Variants in LHFPL3 observed in about 807,000 individuals in gnomAD.
The protein encoded by LHFPL3 is LHFPL tetraspan subfamily member 3 protein.
In LHFPL3, 5 loss-of-function variants were observed where a neutral mutation model predicts 19.3. That is an observed-to-expected ratio of 0.26 (90% CI 0.14 to 0.54). The LOEUF (loss-of-function observed/expected upper bound fraction) is 0.54. Ranked by LOEUF, LHFPL3 falls within the 20% of genes least tolerant of loss-of-function variation. LHFPL3 has a pLI of 0.94. For missense variants in LHFPL3, 249 were observed against 307.4 expected (o/e 0.81, Z 1.42); for synonymous variants, 133 against 126.2 (o/e 1.05, Z -0.36).
At chr7:104,820,980 C>T (rs141505987) in intron 2 of LHFPL3, among the ~76,000 whole-genome samples, 128 of 152,196 alleles carry the variant, frequency 8.4e-4, no homozygotes, top group Middle Eastern at 3.4e-3. Context: ...GCTTGGACTG[C>T]GTTTCCCCTC....
chr7:104,410,674 G>C (rs762450420), intron 1 of LHFPL3, among the ~76,000 whole-genome samples: 19 of 151,708 alleles, frequency 1.3e-4, no homozygotes, highest in Non-Finnish European at 2.1e-4. Flanking sequence ...TCATGCAAAA[G>C]ACATAAATAG....
intron 1 of LHFPL3, among the ~76,000 whole-genome samples, chr7:104,691,731 T>C (rs1309370039): frequency 6.6e-6 from 1 of 152,212 alleles, no homozygotes; most frequent in African/African-American, 2.4e-5. Context: ...ACTGAAGATA[T>C]TTCTATCCCA....
chr7:104,556,171 G>A (rs1387134695), intron 1 of LHFPL3, among the ~76,000 whole-genome samples: 1 of 152,130 alleles, frequency 6.6e-6, no homozygotes, highest in Non-Finnish European at 1.5e-5. Context: ...ACTATTCTAG[G>A]GTCTGGAGGA....
intron 1 of LHFPL3, among the ~76,000 whole-genome samples, chr7:104,498,834 G>A (rs1793541663): frequency 6.6e-6 from 1 of 152,190 alleles, no homozygotes; most frequent in South Asian, 2.1e-4. Flanking sequence ...GCTTAGAAAT[G>A]CCAGCTCTCA....
At chr7:104,612,371 G>A (rs578183267) in intron 1 of LHFPL3, among the ~76,000 whole-genome samples, 4 of 152,206 alleles carry the variant, frequency 2.6e-5, no homozygotes, top group African/African-American at 7.2e-5. Context: ...AGTAAATGGA[G>A]ATAATGAATG....
rs575866852 is a variant in LHFPL3 at position 104,565,307 on chromosome 7, C to T, written c.446-171368C>T. 3.3e-5 allele frequency among the ~76,000 whole-genome samples: 5 copies of T among 152,216 alleles called. No individual in the cohort carries two copies. The South Asian group carries it at 1.0e-3, about 32-fold the overall frequency. ...CTCCAGAAAAATCATAAATTTGAGT[C>T]CACCTCCTAATAAGAAAGTTCTGTG... On this transcript the variant is annotated intron_variant, in intron 1 of 2. Transcript: ENST00000424859.
chr7:104,856,784 T>C (rs767945477), intron 2 of LHFPL3, among the ~76,000 whole-genome samples: 5 of 152,216 alleles, frequency 3.3e-5, no homozygotes, highest in Non-Finnish European at 7.3e-5. Flanking sequence ...TAAGCATGTA[T>C]TGTGACCTGG....
intron 2 of LHFPL3, among the ~76,000 whole-genome samples, chr7:104,745,534 C>T (rs201329766): frequency 1.4e-5 from 2 of 145,008 alleles, no homozygotes; most frequent in South Asian, 4.3e-4. Flanking sequence ...TACCAAGAAC[C>T]AATGCAATAA....
Position 104,587,967 on chromosome 7 carries a change from G to T in LHFPL3, c.446-148708G>T, listed in dbSNP as rs182153880. Among the ~76,000 whole-genome samples, 139 of 152,060 alleles carry T rather than the reference G, an allele frequency of 9.1e-4. 2 individuals are homozygous for T. Among genetic ancestry groups the T allele is most frequent in the African/African-American group, 3.2e-3 (132 of 41,508 alleles). ...CTTTTGCCCACTTGTTAATGGGGTT[G>T]TTTTTTTCTTGTAAATTTGTTTGAG... On this transcript the variant is annotated intron_variant, in intron 1 of 2. Transcript: ENST00000424859.
At chr7:104,513,593 T>C (rs1793863357) in intron 1 of LHFPL3, among the ~76,000 whole-genome samples, 1 of 152,216 alleles carries the variant, frequency 6.6e-6, no homozygotes, top group Non-Finnish European at 1.5e-5. Context: ...TCAGTCCTAA[T>C]GCATCAAGCG....
chr7:104,422,424 G>A (rs1260643932), intron 1 of LHFPL3, among the ~76,000 whole-genome samples: 1 of 151,940 alleles, frequency 6.6e-6, no homozygotes, highest in Non-Finnish European at 1.5e-5. Flanking sequence ...CAGTCTATGG[G>A]GCTTCATTAT....
At chr7:104,400,706 A>T (rs1004257316) in intron 1 of LHFPL3, among the ~76,000 whole-genome samples, 1 of 152,178 alleles carries the variant, frequency 6.6e-6, no homozygotes, top group South Asian at 2.1e-4. Flanking sequence ...CCTCAGCATG[A>T]TCTAAATTGA....
In LHFPL3 at chr7:104,333,717, T is replaced by C. The variant is rs1422197863; in HGVS notation, c.445+4493T>C. On this transcript the variant is annotated intron_variant, in intron 1 of 2. Coordinates refer to ENST00000424859, the MANE Select transcript of LHFPL3 (RefSeq NM_199000.3). ...TGCAAGAAGAGCCTTTGAAATGTTATACCATCCTATCTTGTGGCACCCTCC... is the reference window on the plus strand; with the variant it reads ...TGCAAGAAGAGCCTTTGAAATGTTACACCATCCTATCTTGTGGCACCCTCC... Among the ~76,000 whole-genome samples the C allele has an allele frequency of 2.6e-5, 4 of 152,264 alleles. No homozygotes were observed. In the East Asian group the frequency reaches 7.7e-4, roughly 29 times the overall value.
intron 1 of LHFPL3, among the ~76,000 whole-genome samples, chr7:104,718,777 C>G (rs147603892): frequency 1.3e-5 from 2 of 152,142 alleles, no homozygotes; most frequent in African/African-American, 4.8e-5. Flanking sequence ...GGTAACCACT[C>G]AATAATCTGG....
chr7:104,812,140 C>G (rs1016751593), intron 2 of LHFPL3, among the ~76,000 whole-genome samples: 1 of 152,148 alleles, frequency 6.6e-6, no homozygotes, highest in Non-Finnish European at 1.5e-5. Context: ...GGAAAGTGAT[C>G]AATAACACCT....
chr7:104,667,723 C>G (rs931756879), intron 1 of LHFPL3: 13 of 1,494,988 alleles, frequency 8.7e-6, no homozygotes, highest in African/African-American at 7.0e-5. Flanking sequence ...TAAAGAAATA[C>G]AAGGAAAAGC....
chr7:104,670,817 C>T lies in LHFPL3; in HGVS notation c.446-65858C>T, dbSNP rs1416024552. 2.0e-5 allele frequency among the ~76,000 whole-genome samples: 3 copies of T among 150,974 alleles called. No individual in the cohort carries two copies. In the East Asian group the frequency reaches 5.8e-4, roughly 29 times the overall value. On this transcript the variant is annotated intron_variant, in intron 1 of 2. Transcript: ENST00000424859. ...TTTCCTTCTCCACTGAAATGCCACACTAATGTTTGTTGGATTCATGAGGTG... is the reference window on the plus strand; with the variant it reads ...TTTCCTTCTCCACTGAAATGCCACATTAATGTTTGTTGGATTCATGAGGTG...
intron 1 of LHFPL3, among the ~76,000 whole-genome samples, chr7:104,459,337 T>C (rs1308008560): frequency 1.3e-5 from 2 of 152,222 alleles, no homozygotes; most frequent in African/African-American, 2.4e-5. Context: ...ATGTACTCTT[T>C]GAATGTTGCC....
At chr7:104,797,313 C>T (rs1301154022) in intron 2 of LHFPL3, among the ~76,000 whole-genome samples, 2 of 152,164 alleles carry the variant, frequency 1.3e-5, no homozygotes, top group Non-Finnish European at 2.9e-5. Flanking sequence ...CTCTTAGTGG[C>T]TGGGTGGGGC....
Sources: allele counts gnomAD v4.1 joint callset (sites outside exome capture counted in the v4.1 genomes callset), GRCh38; gene constraint gnomAD v4.1.1; transcripts MANE v1.5; gene names NCBI Gene and HGNC (gene_info 2026-07-23, HGNC 2026-07-21).